The following ZCCHC9 variants were observed in gnomAD, a reference collection of about 807,000 sequenced individuals.
ZCCHC9 encodes zinc finger CCHC domain-containing protein 9.
Under a neutral mutation model 30.8 loss-of-function variants are expected in ZCCHC9, and 18 were observed. That is an observed-to-expected ratio of 0.58 (90% CI 0.40 to 0.87). ZCCHC9 has a LOEUF of 0.87. Ranked by LOEUF, ZCCHC9 falls within the 40% of genes least tolerant of loss-of-function variation. The pLI is 0.00. For missense variants in ZCCHC9, 279 were observed against 331.2 expected, an observed-to-expected ratio of 0.84 and a Z score of 1.22; for synonymous variants, 94 against 106.7, an observed-to-expected ratio of 0.88 and a Z score of 0.73.
intron 5 of ZCCHC9, among the ~76,000 whole-genome samples, chr5:81,311,974 C>T (rs181464134): frequency 2.6e-5 from 4 of 152,258 alleles, no homozygotes; most frequent in East Asian, 1.9e-4. Context: ...CACAACACTA[C>T]GCAAATAAGT....
At chr5:81,311,136 T>C in intron 4 of ZCCHC9, 75 bp from the exon 5 acceptor site, 2 of 1,459,734 alleles carry the variant, frequency 1.4e-6, no homozygotes, top group Non-Finnish European at 1.9e-6. Context: ...TCCAGTAAGA[T>C]GTGAAAGTGC....
chr5:81,305,584 G>T (rs1473701188), intron 2 of ZCCHC9, among the ~76,000 whole-genome samples: 1 of 131,526 alleles, frequency 7.6e-6, no homozygotes, highest in Admixed American at 8.6e-5. Flanking sequence ...ATAGGGAGAC[G>T]CCATGTCTAC....
intron 2 of ZCCHC9, among the ~76,000 whole-genome samples, chr5:81,306,303 G>C (rs1030903294): frequency 6.6e-6 from 1 of 152,146 alleles, no homozygotes; most frequent in Non-Finnish European, 1.5e-5. Context: ...TTGGCTGTTT[G>C]CAAGATTAGT....
At position 81,305,157 on chromosome 5, in the gene ZCCHC9, C is replaced by A; in HGVS notation, c.384+16C>A. The A allele has an allele frequency of 6.4e-7, 1 of 1,568,700 alleles. No homozygotes were observed. On this transcript the variant is annotated intron_variant, in intron 2 of 5. Coordinates refer to ENST00000407610, the MANE Select transcript of ZCCHC9 (RefSeq NM_001131035.2). ...AAATGCAATGGTGAGAGCATCACTT[C>A]TACCATGTTATTTACTTTATTTAGC...
chr5:81,306,844 G>GACC lies in ZCCHC9; in HGVS notation c.384+1707_384+1709dup, dbSNP rs1184782924. Among the ~76,000 whole-genome samples the GACC allele has an allele frequency of 2.6e-5, 4 of 152,152 alleles. No individual in the cohort carries two copies. In the East Asian group the frequency reaches 7.7e-4, roughly 29 times the overall value. On this transcript the variant is annotated intron_variant, in intron 2 of 5. Coordinates refer to ENST00000407610, the MANE Select transcript of ZCCHC9 (RefSeq NM_001131035.2). ...AAGGCAGTAGTCTCAGCTTAGTAGA[G>GACC]ACCACCTTGACTTCACCAAGAAGCC...
intron 3 of ZCCHC9, 51 bp downstream of exon 3, chr5:81,308,762 T>C (rs1758172226): frequency 6.4e-7 from 1 of 1,570,524 alleles, no homozygotes; most frequent in Non-Finnish European, 8.6e-7. Context: ...AGCCAATAAA[T>C]AGCACCTTGG....
rs182611957 is a variant in ZCCHC9 at position 81,308,898 on chromosome 5, A to G, written c.536-48A>G. 169 of 1,505,858 alleles carry G rather than the reference A, an allele frequency of 1.1e-4. 1 individual carries two copies. The East Asian group carries it at 3.5e-3, about 31-fold the overall frequency. 93.3% of individuals were successfully genotyped at this position (1,505,858 alleles called of 1,614,324 possible). On this transcript the variant is annotated intron_variant, in intron 3 of 5. Coordinates refer to ENST00000407610, the MANE Select transcript of ZCCHC9 (RefSeq NM_001131035.2). Reference sequence around the variant, plus strand: ...ATTTTAAAATAATGTTAATTTTATGACTTGCCATATGTATTGTCAACTGAA... The same window carrying G: ...ATTTTAAAATAATGTTAATTTTATGGCTTGCCATATGTATTGTCAACTGAA...
rs71000814 is a variant in ZCCHC9 at position 81,310,157 on chromosome 5, T to TAAAAAAAAAAAAAAAAAAAAAAA, written c.629-1053_629-1031dup. 4.6e-4 allele frequency among the ~76,000 whole-genome samples: 48 copies of TAAAAAAAAAAAAAAAAAAAAAAA among 104,744 alleles called. 2 individuals are homozygous for TAAAAAAAAAAAAAAAAAAAAAAA. The highest frequency in any genetic ancestry group is 1.9e-3 in the African/African-American group (46 of 24,718). 68.7% of individuals were successfully genotyped at this position (104,744 alleles called of 152,430 possible). The stretch of plus-strand genomic sequence containing the variant: ...ACTGGTCAACCAAAGTGACTAGCTG[T>TAAAAAAAAAAAAAAAAAAAAAAA]AAAAAAAAAAAAAAAAAAAAAAATT... On this transcript the variant is annotated intron_variant, in intron 4 of 5. Transcript: ENST00000407610.
At position 81,308,575 on chromosome 5, in the gene ZCCHC9, T is replaced by C. The variant is rs1758157481; in HGVS notation, c.399T>C (p.Cys133=). Residue 133 remains cysteine, a synonymous_variant, in exon 3 of 6, where the codon TGT becomes TGC. Coordinates refer to ENST00000407610, the MANE Select transcript of ZCCHC9 (RefSeq NM_001131035.2). ...AKKNAMVCFH[C]RKPGHGIADC... ...TGTTTTCCTAGGTGTGTTTCCATTGTAGAAAACCTGGTCATGGAATTGCAG... is the reference window on the plus strand; with the variant it reads ...TGTTTTCCTAGGTGTGTTTCCATTGCAGAAAACCTGGTCATGGAATTGCAG... 1 of 1,612,594 alleles carries C rather than the reference T, an allele frequency of 6.2e-7. No homozygotes were observed. The highest frequency in any genetic ancestry group is 8.5e-7 in the Non-Finnish European group (1 of 1,179,470).
At chr5:81,308,058 T>TATCTATCTATCTATC (rs1561305989) in intron 2 of ZCCHC9, among the ~76,000 whole-genome samples, 2 of 147,286 alleles carry the variant, frequency 1.4e-5, no homozygotes, top group African/African-American at 2.5e-5. Context: ...TCTATCTATC[T>TATCTATCTATCTATC]TATGGTTTGA....
intron 1 of ZCCHC9, 79 bp downstream of exon 1, chr5:81,301,777 G>A (rs1266769220): frequency 6.5e-6 from 1 of 152,746 alleles, no homozygotes; most frequent in African/African-American, 2.4e-5. Context: ...TGGGAAGCTG[G>A]GAGGACAGAA....
chr5:81,306,503 C>T (rs1429180018), intron 2 of ZCCHC9, among the ~76,000 whole-genome samples: 2 of 152,048 alleles, frequency 1.3e-5, no homozygotes, highest in East Asian at 1.9e-4. Flanking sequence ...GAATCACATA[C>T]CATTTGAAAA....
In ZCCHC9 at chr5:81,304,790, TAAC is replaced by T. The variant is rs1554049778; in HGVS notation, c.36_38del (p.Asn12del). 3.1e-6 allele frequency: 5 copies of T among 1,606,078 alleles called. No individual in the cohort carries two copies. Among genetic ancestry groups the T allele is most frequent in the Non-Finnish European group, 4.2e-6 (5 of 1,177,694 alleles). On this transcript the variant is annotated inframe_deletion, in exon 2 of 6. Transcript: ENST00000407610. ...GGTGGGCCCGAGTTAGTACCACATA[TAAC>T]AAGAGACCCTTGCCTGCAACATCAT...
At chr5:81,304,477 A>T in intron 1 of ZCCHC9, 2 of 262,202 alleles carry the variant, frequency 7.6e-6, no homozygotes, top group Non-Finnish European at 1.4e-5. Context: ...TTCTTAAGAT[A>T]GTTTTTCAAT....
Position 81,305,277 on chromosome 5 carries a change from TACTTTTTTAGC to T in ZCCHC9, c.384+139_384+149del, listed in dbSNP as rs200895354. 38 of 1,219,884 alleles carry T rather than the reference TACTTTTTTAGC, an allele frequency of 3.1e-5. No individual in the cohort carries two copies. The East Asian group carries it at 9.0e-4, about 29-fold the overall frequency. 75.6% of individuals were successfully genotyped at this position (1,219,884 alleles called of 1,614,324 possible). Reference sequence around the variant, plus strand: ...TATAGAGCATCGTTTTAAGGACTAGTACTTTTTTAGCACATATATGCTAGGCACATGATGTA... The same window carrying T: ...TATAGAGCATCGTTTTAAGGACTAGTACATATATGCTAGGCACATGATGTA... On this transcript the variant is annotated intron_variant, in intron 2 of 5. Coordinates refer to ENST00000407610, the MANE Select transcript of ZCCHC9 (RefSeq NM_001131035.2).
At position 81,304,820 on chromosome 5, in the gene ZCCHC9, G is replaced by T. The variant is rs1381588096; in HGVS notation, c.63G>T (p.Trp21Cys). 2 of 1,613,630 alleles carry T rather than the reference G, an allele frequency of 1.2e-6. No homozygotes were observed. Among genetic ancestry groups the T allele is most frequent in the Non-Finnish European group, 1.7e-6 (2 of 1,179,918 alleles). Reference sequence around the variant, plus strand: ...AGAGACCCTTGCCTGCAACATCATGGGAGGACATGAAGAAGGGATCCTTTG... The same window carrying T: ...AGAGACCCTTGCCTGCAACATCATGTGAGGACATGAAGAAGGGATCCTTTG... ...YNKRPLPATSWEDMKKGSFEG... is the reference protein window; with the variant it reads ...YNKRPLPATSCEDMKKGSFEG... Residue 21 changes from tryptophan (W) to cysteine (C), a missense_variant, in exon 2 of 6, where the codon TGG becomes TGT. Transcript: ENST00000407610.
rs1262316050 is a variant in ZCCHC9 at position 81,312,810 on chromosome 5, TTCTG to T, written c.*152_*155del. ...GTGTGGCCAAAAACAATTTTCTTTA[TTCTG>T]TCTATCAAATAGTACTTCTACCACT... On this transcript the variant is annotated 3_prime_UTR_variant, in exon 6 of 6. Transcript: ENST00000407610. The T allele has an allele frequency of 5.3e-6, 3 of 569,718 alleles. No homozygotes were observed. The highest frequency in any genetic ancestry group is 2.4e-5 in the South Asian group (1 of 41,702). The allele number at this position is 569,718 out of a possible 1,614,324, so 35.3% of individuals were successfully genotyped here. A position where few individuals can be genotyped will look rare whatever the true frequency, so the allele number is the denominator to read the frequency against.
chr5:81,307,120 A>G (rs1287457080), intron 2 of ZCCHC9, among the ~76,000 whole-genome samples: 2 of 152,254 alleles, frequency 1.3e-5, no homozygotes, highest in Admixed American at 6.5e-5. Context: ...ACATAATTAA[A>G]TGACTATTTA....
chr5:81,308,442 G>A (rs1255285819), intron 2 of ZCCHC9, 119 bp from the exon 3 acceptor site: 3 of 1,287,194 alleles, frequency 2.3e-6, no homozygotes, highest in Non-Finnish European at 3.1e-6. Context: ...CAAATATTGA[G>A]ATTTCAGAAA....
Sources: allele counts gnomAD v4.1 joint callset (sites outside exome capture counted in the v4.1 genomes callset), GRCh38; gene constraint gnomAD v4.1.1; transcripts MANE v1.5; gene names NCBI Gene and HGNC (gene_info 2026-07-23, HGNC 2026-07-21).